SLC2A9: variants seen among roughly 807,000 people sequenced by gnomAD.
The protein encoded by SLC2A9 is solute carrier family 2 member 9.
A neutral mutation model predicts 50.6 loss-of-function variants in SLC2A9; 39 were observed. The ratio of observed to expected loss-of-function variants is 0.77; its 90% CI spans 0.60 to 1.01. The LOEUF is 1.01. Ranked by LOEUF, SLC2A9 falls within the 50% of genes least tolerant of loss-of-function variation. The probability of loss-of-function intolerance (pLI) is 0.00; values close to 1 mark genes in which losing one functional copy is unlikely to be tolerated. For missense variants in SLC2A9, 686 were observed against 677.6 expected, an observed-to-expected ratio of 1.01 and a Z score of -0.14; for synonymous variants, 324 against 276.9, an observed-to-expected ratio of 1.17 and a Z score of -1.69.
In SLC2A9 at chr4:9,896,756, TATA is replaced by T. The variant is rs547705578; in HGVS notation, c.1114-6048_1114-6046del. Among the ~76,000 whole-genome samples the T allele has an allele frequency of 2.4e-4, 36 of 152,344 alleles. No individual in the cohort carries two copies. The South Asian group carries it at 7.2e-3, about 31-fold the overall frequency. On this transcript the variant is annotated intron_variant, in intron 8 of 11. Transcript: ENST00000264784. Reference sequence around the variant, plus strand: ...CATTTTGAGTTAATTTTTTGTATGGTATAATAAGGGTTGCCATTCACATTTTTC... The same window carrying T: ...CATTTTGAGTTAATTTTTTGTATGGTATAAGGGTTGCCATTCACATTTTTC...
chr4:9,979,550 T>G (rs1474303482), intron 5 of SLC2A9, among the ~76,000 whole-genome samples: 2 of 152,152 alleles, frequency 1.3e-5, no homozygotes. Flanking sequence ...TCCAGTGGCC[T>G]CTTTATCCCC....
At chr4:10,005,526 C>T (rs1336810133) in intron 2 of SLC2A9, among the ~76,000 whole-genome samples, 1 of 152,190 alleles carries the variant, frequency 6.6e-6, no homozygotes, top group Non-Finnish European at 1.5e-5. Flanking sequence ...AAGGACATTT[C>T]AGGGATTAGA....
rs553346778 is a variant in SLC2A9, at chr4:9,877,375, G to A, written c.1291+10192C>T. On this transcript the variant is annotated intron_variant, in intron 10 of 11. Transcript: ENST00000264784. ...GCACAGAGCCCTCCCACCCAACTTG[G>A]GGTAGTGCCTGCCCCCCTGGCAGGA... is the stretch of plus-strand genomic sequence containing the variant. 1.6e-3 allele frequency among the ~76,000 whole-genome samples: 239 copies of A among 152,312 alleles called. 1 individual carries two copies. The highest frequency in any genetic ancestry group is 5.4e-3 in the African/African-American group (226 of 41,574).
chr4:10,018,589 T>TAGATAGATAGATAAAC (rs1553915108), intron 2 of SLC2A9, among the ~76,000 whole-genome samples: 4,126 of 150,780 alleles, frequency 0.027, 89 homozygotes, highest in East Asian at 0.14. Context: ...GATAGATAGA[T>TAGATAGATAGATAAAC]AACAACAACA....
intron 8 of SLC2A9, among the ~76,000 whole-genome samples, chr4:9,903,109 C>T (rs150299850): frequency 8.8e-4 from 134 of 152,282 alleles, no homozygotes; most frequent in African/African-American, 3.1e-3. Context: ...GATGATCTAT[C>T]ACCCTGCTTT....
intron 3 of SLC2A9, among the ~76,000 whole-genome samples, chr4:9,786,322 C>T (rs1403764261): frequency 6.6e-6 from 1 of 152,224 alleles, no homozygotes; most frequent in African/African-American, 2.4e-5. Context: ...AGTGGCAGAA[C>T]TCAACTTGAA....
chr4:9,950,139 A>G (rs1749960245), intron 5 of SLC2A9, among the ~76,000 whole-genome samples: 1 of 152,186 alleles, frequency 6.6e-6, no homozygotes, highest in Non-Finnish European at 1.5e-5. Context: ...GCCAGCTAGT[A>G]AGATGGCTCA....
At chr4:9,782,023 GC>G in intron 3 of SLC2A9, 1 of 1,454,576 alleles carries the variant, frequency 6.9e-7, no homozygotes, top group Non-Finnish European at 9.0e-7. Flanking sequence ...CTGCAGTCCA[GC>G]CCGAAATGCT....
At chr4:9,928,598 G>C (rs369566979) in intron 6 of SLC2A9, among the ~76,000 whole-genome samples, 1 of 152,194 alleles carries the variant, frequency 6.6e-6, no homozygotes. Context: ...GCTGGGCGTG[G>C]TGGCGGGTGC....
chr4:9,774,057 C>A (rs568296215), intron 1 of SLC2A9, among the ~76,000 whole-genome samples: 9 of 145,622 alleles, frequency 6.2e-5, no homozygotes, highest in African/African-American at 2.3e-4. Flanking sequence ...TGCAGTGGTG[C>A]GATCTCGCCT....
chr4:9,867,263 G>C (rs188516264), intron 10 of SLC2A9, among the ~76,000 whole-genome samples: 1 of 152,300 alleles, frequency 6.6e-6, no homozygotes, highest in East Asian at 1.9e-4. Context: ...AGCTGCTAAA[G>C]AAGAAAGAAA....
intron 5 of SLC2A9, among the ~76,000 whole-genome samples, chr4:9,965,118 C>T (rs976093218): frequency 5.3e-5 from 8 of 152,198 alleles, no homozygotes; most frequent in African/African-American, 1.9e-4. Flanking sequence ...AAAATCCCCA[C>T]GAAAGAGGTC....
chr4:9,818,693 G>A (rs968443541), intron 3 of SLC2A9, among the ~76,000 whole-genome samples: 1 of 152,242 alleles, frequency 6.6e-6, no homozygotes, highest in African/African-American at 2.4e-5. Context: ...TTTGGTCAAG[G>A]AGGAAGTCCC....
chr4:9,914,185 G>A (rs912825216), intron 7 of SLC2A9, among the ~76,000 whole-genome samples: 3 of 152,162 alleles, frequency 2.0e-5, no homozygotes, highest in African/African-American at 7.2e-5. Flanking sequence ...AGAGATGCTA[G>A]GGGAGGGTGC....
At chr4:9,941,858 G>C in intron 6 of SLC2A9, 55 bp downstream of exon 6, 1 of 1,611,052 alleles carries the variant, frequency 6.2e-7, no homozygotes, top group South Asian at 1.1e-5. Context: ...AGCATGCCTT[G>C]CAGTGATGAT....
At chr4:9,838,970 A>G (rs750271579) in intron 10 of SLC2A9, among the ~76,000 whole-genome samples, 1 of 152,210 alleles carries the variant, frequency 6.6e-6, no homozygotes, top group African/African-American at 2.4e-5. Context: ...AGAACACCAA[A>G]AGCAATTGCA....
chr4:9,997,940 CAT>C (rs1424042108), intron 2 of SLC2A9, among the ~76,000 whole-genome samples: 1 of 152,086 alleles, frequency 6.6e-6, no homozygotes, highest in Non-Finnish European at 1.5e-5. Context: ...AGAACTCTAA[CAT>C]GTCAAAAAGG....
chr4:9,795,077 T>C (rs1319144736), downstream of SLC2A9, among the ~76,000 whole-genome samples: 1 of 137,862 alleles, frequency 7.3e-6, no homozygotes, highest in Admixed American at 7.8e-5. Context: ...AGTGGCACAA[T>C]CTTGGCACAC....
intron 10 of SLC2A9, among the ~76,000 whole-genome samples, chr4:9,846,596 A>T (rs1253293881): frequency 1.3e-5 from 2 of 152,102 alleles, no homozygotes; most frequent in Non-Finnish European, 2.9e-5. Flanking sequence ...CTTGCCTATA[A>T]TCTCATTTAA....
Sources: allele counts gnomAD v4.1 joint callset (sites outside exome capture counted in the v4.1 genomes callset), GRCh38; gene constraint gnomAD v4.1.1; transcripts MANE v1.5; gene names NCBI Gene and HGNC (gene_info 2026-07-23, HGNC 2026-07-21).